LPAR6: variants seen among roughly 807,000 people sequenced by gnomAD.
LPAR6 encodes the protein G-protein coupled purinergic receptor P2Y5.
A neutral mutation model predicts 22.0 loss-of-function variants in LPAR6; 17 were observed. That is an observed-to-expected ratio of 0.77 (90% confidence interval 0.53 to 1.16). The LOEUF is 1.16. LPAR6 is among the 50% of genes most tolerant of loss of function. The pLI is 0.00. For synonymous variants in LPAR6, 136 were observed against 139.8 expected, an observed-to-expected ratio of 0.97 and a Z score of 0.19; for missense variants, 384 against 406.9, an observed-to-expected ratio of 0.94 and a Z score of 0.48.
rs188520545 is a variant in LPAR6 at position 48,398,926 on chromosome 13, G to A, written n.115-9114C>T. ...AGGGAAAAGTAACATTTGTTGACTA[G>A]CTCCTTTGTGCAGTGCACTGTGACT... is the stretch of plus-strand genomic sequence containing the variant. On this transcript the variant is annotated intron_variant and non_coding_transcript_variant, in intron 1 of 1. Transcript: ENST00000462781. Among the ~76,000 whole-genome samples the A allele has an allele frequency of 5.3e-4, 80 of 152,206 alleles. 1 individual carries two copies. Among genetic ancestry groups the A allele is most frequent in the Admixed American group, 2.4e-3 (37 of 15,284 alleles).
intron 1 of LPAR6, among the ~76,000 whole-genome samples, chr13:48,437,970 C>A (rs1451096955): frequency 6.6e-6 from 1 of 152,066 alleles, no homozygotes; most frequent in African/African-American, 2.4e-5. Context: ...TTGTGCTTTG[C>A]TGTAGTTAAT....
At chr13:48,395,567 A>C (rs1278086093) in intron 1 of LPAR6, among the ~76,000 whole-genome samples, 1 of 151,958 alleles carries the variant, frequency 6.6e-6, no homozygotes, top group Non-Finnish European at 1.5e-5. Flanking sequence ...ACACAACACG[A>C]GGACTTTGTG....
intron 1 of LPAR6, among the ~76,000 whole-genome samples, chr13:48,393,989 C>T (rs1283248616): frequency 6.6e-6 from 1 of 152,102 alleles, no homozygotes; most frequent in African/African-American, 2.4e-5. Context: ...CAGCTCTGGT[C>T]TGCAGCTGCC....
rs545934425 is a variant in LPAR6 at position 48,402,379 on chromosome 13, C to CTTTTTTTTTTTTT, written n.115-12580_115-12568dup. Among the ~76,000 whole-genome samples, 7 of 125,700 alleles carry CTTTTTTTTTTTTT rather than the reference C, an allele frequency of 5.6e-5. 1 individual carries two copies. Among genetic ancestry groups the CTTTTTTTTTTTTT allele is most frequent in the African/African-American group, 8.5e-5 (3 of 35,096 alleles). The allele number at this position is 125,700 out of a possible 152,430, so 82.5% of individuals were successfully genotyped here. On this transcript the variant is annotated intron_variant and non_coding_transcript_variant, in intron 1 of 1. Transcript: ENST00000462781. The stretch of plus-strand genomic sequence containing the variant: ...GGTAAAGAAATCCCTTGTAGAAAAC[C>CTTTTTTTTTTTTT]TTTTTTTTTTTTTAAACAGATGAGT...
In LPAR6 at chr13:48,411,765, C is replaced by G; in HGVS notation, c.659G>C (p.Ser220Thr). ...TAAAACCTTAGTTTTGTTTATTTTG[C>G]TTCTACTTAATGTAACAGGTTTGGT... ...TLTKPVTLSR[S>T]KINKTKVLKM... The change falls in exon 1 of 1, where the codon AGC becomes ACC. Residue 220 changes from serine (S) to threonine (T), a missense_variant. Physicochemically the swap from Ser to Thr is moderately conservative, Grantham distance 58 (BLOSUM62 1). Transcript: ENST00000620633. The G allele has an allele frequency of 6.2e-7, 1 of 1,611,056 alleles. No homozygotes were observed. The highest frequency in any genetic ancestry group is 8.5e-7 in the Non-Finnish European group (1 of 1,177,486).
At chr13:48,419,901 G>A (rs149157765) in intron 2 of LPAR6, among the ~76,000 whole-genome samples, 128 of 152,124 alleles carry the variant, frequency 8.4e-4, no homozygotes, top group Non-Finnish European at 1.3e-3. Context: ...AATTAATAGC[G>A]TACCAACCAA....
chr13:48,443,750 C>T (rs1795495119), intron 1 of LPAR6, among the ~76,000 whole-genome samples: 1 of 152,130 alleles, frequency 6.6e-6, no homozygotes, highest in South Asian at 2.1e-4. Context: ...TTAAATTTTC[C>T]ATCTTAGGCA....
intron 1 of LPAR6, among the ~76,000 whole-genome samples, chr13:48,433,372 C>A (rs899639337): frequency 3.9e-5 from 6 of 151,962 alleles, no homozygotes; most frequent in African/African-American, 1.5e-4. Flanking sequence ...TGATTAGAAG[C>A]ATTAAAATTC....
intron 1 of LPAR6, among the ~76,000 whole-genome samples, chr13:48,435,447 T>C (rs189381361): frequency 1.3e-5 from 2 of 152,304 alleles, no homozygotes; most frequent in African/African-American, 4.8e-5. Flanking sequence ...TTGAGGGTTC[T>C]TTATATGTTC....
At chr13:48,443,596 G>C (rs1302622043) in intron 1 of LPAR6, among the ~76,000 whole-genome samples, 1 of 152,144 alleles carries the variant, frequency 6.6e-6, no homozygotes, top group Non-Finnish European at 1.5e-5. Flanking sequence ...TCATTCTTGT[G>C]TAAGGAAACC....
At chr13:48,441,862 T>C (rs550918963) in intron 1 of LPAR6, among the ~76,000 whole-genome samples, 4 of 152,318 alleles carry the variant, frequency 2.6e-5, no homozygotes, top group African/African-American at 9.6e-5. Flanking sequence ...TAAAAATGAC[T>C]TTAATTTTGA....
At chr13:48,413,504 C>T (rs1339200526), upstream of LPAR6, among the ~76,000 whole-genome samples, 1 of 152,120 alleles carries the variant, frequency 6.6e-6, no homozygotes, top group Non-Finnish European at 1.5e-5. Context: ...TTAGTGATAT[C>T]TTAACATAGC....
downstream of LPAR6, chr13:48,408,767 C>T (rs1215284868): frequency 1.3e-5 from 2 of 152,086 alleles, no homozygotes; most frequent in African/African-American, 4.8e-5. Context: ...CATTTATCTT[C>T]CTGTTGACAA....
chr13:48,439,120 A>G (rs1413483357), intron 1 of LPAR6, among the ~76,000 whole-genome samples: 1 of 152,194 alleles, frequency 6.6e-6, no homozygotes, highest in Non-Finnish European at 1.5e-5. Flanking sequence ...ATAGCAGCTA[A>G]CGGCACAAGT....
upstream of LPAR6, among the ~76,000 whole-genome samples, chr13:48,430,338 T>C (rs1197712007): frequency 1.3e-5 from 2 of 152,202 alleles, no homozygotes; most frequent in African/African-American, 2.4e-5. Context: ...CTTTGATTTA[T>C]TCTTTATACC....
chr13:48,415,733 A>G (rs776296967), upstream of LPAR6: 6 of 152,198 alleles, frequency 3.9e-5, no homozygotes, highest in South Asian at 2.1e-4. Flanking sequence ...TGATTCTCAC[A>G]TGTTTGCTGA....
chr13:48,423,756 A>G (rs1333837807), intron 1 of LPAR6, among the ~76,000 whole-genome samples: 2 of 152,198 alleles, frequency 1.3e-5, no homozygotes, highest in African/African-American at 4.8e-5. Flanking sequence ...GTTCAAAAGA[A>G]AGTGTGAGCC....
chr13:48,417,789 T>G (rs1318889161), upstream of LPAR6, among the ~76,000 whole-genome samples: 4 of 151,928 alleles, frequency 2.6e-5, no homozygotes, highest in Non-Finnish European at 5.9e-5. Flanking sequence ...AGATTGAAGA[T>G]CACCTTTATG....
downstream of LPAR6, among the ~76,000 whole-genome samples, chr13:48,406,973 T>C (rs947051559): frequency 1.3e-5 from 2 of 152,232 alleles, no homozygotes; most frequent in Non-Finnish European, 2.9e-5. Context: ...TGTTGTTTAG[T>C]CTTACAGTTC....
Sources: allele counts gnomAD v4.1 joint callset (sites outside exome capture counted in the v4.1 genomes callset), GRCh38; gene constraint gnomAD v4.1.1; transcripts MANE v1.5; gene names NCBI Gene and HGNC (gene_info 2026-07-23, HGNC 2026-07-21).